Variants in SLC24A3 observed in about 807,000 individuals in gnomAD.
The protein encoded by SLC24A3 is solute carrier family 24 member 3.
A neutral mutation model predicts 75.8 loss-of-function variants in SLC24A3; 28 were observed. That is an observed-to-expected ratio of 0.37 (90% CI 0.27 to 0.51). The LOEUF is 0.51. Among genes scored for constraint, SLC24A3 ranks in the 20% least tolerant of loss-of-function variants. SLC24A3 has a pLI of 0.94. For synonymous variants in SLC24A3, 372 were observed against 334.1 expected, an observed-to-expected ratio of 1.11 and a Z score of -1.24; for missense variants, 663 against 847.8, an observed-to-expected ratio of 0.78 and a Z score of 2.71.
intron 2 of SLC24A3, among the ~76,000 whole-genome samples, chr20:19,368,106 G>A (rs1334000875): frequency 6.6e-6 from 1 of 152,200 alleles, no homozygotes; most frequent in Non-Finnish European, 1.5e-5. Context: ...ATGTGAGTGT[G>A]TGTGTGTGTG....
chr20:19,262,987 G>A (rs73278907), intron 1 of SLC24A3, among the ~76,000 whole-genome samples: 3,051 of 150,754 alleles, frequency 0.02, 113 homozygotes, highest in African/African-American at 0.071. Context: ...AGACAGACAC[G>A]CCCCTTTGTT....
At chr20:19,469,717 G>A (rs889394642) in intron 2 of SLC24A3, among the ~76,000 whole-genome samples, 4 of 152,146 alleles carry the variant, frequency 2.6e-5, no homozygotes, top group African/African-American at 4.8e-5. Context: ...ATCCATTCTC[G>A]TGCTAGTCTT....
chr20:19,220,592 G>T (rs1414034565), intron 1 of SLC24A3, among the ~76,000 whole-genome samples: 2 of 152,202 alleles, frequency 1.3e-5, no homozygotes, highest in Non-Finnish European at 2.9e-5. Context: ...AGAGCATCTA[G>T]GTGGAATATA....
chr20:19,461,414 C>G (rs538117485), intron 2 of SLC24A3, among the ~76,000 whole-genome samples: 2 of 44,748 alleles, frequency 4.5e-5, no homozygotes, highest in Non-Finnish European at 1.7e-4. Flanking sequence ...CATACATGTA[C>G]GCACATATAC....
chr20:19,415,161 GGGAAGTGATATAA>G (rs1415320910), intron 2 of SLC24A3, among the ~76,000 whole-genome samples: 1 of 152,162 alleles, frequency 6.6e-6, no homozygotes, highest in African/African-American at 2.4e-5. Flanking sequence ...AGGGGTCTTT[GGGAAGTGATATAA>G]GGATCCTGGT....
intron 2 of SLC24A3, among the ~76,000 whole-genome samples, chr20:19,488,299 C>T (rs947141442): frequency 5.9e-5 from 9 of 152,210 alleles, no homozygotes; most frequent in African/African-American, 1.4e-4. Context: ...CTTGCCTCTG[C>T]GCACATCAGG....
At chr20:19,549,813 A>G (rs955461422) in intron 3 of SLC24A3, among the ~76,000 whole-genome samples, 2 of 152,138 alleles carry the variant, frequency 1.3e-5, no homozygotes, top group African/African-American at 4.8e-5. Context: ...ACAAACAAAA[A>G]ACCTTTGACT....
chr20:19,305,434 A>AG, intron 2 of SLC24A3, among the ~76,000 whole-genome samples: 1 of 152,034 alleles, frequency 6.6e-6, no homozygotes, highest in Middle Eastern at 3.4e-3. Flanking sequence ...GCTAAGAGTG[A>AG]ATGCTACGCC....
In SLC24A3 at chr20:19,597,292, T is replaced by G. The variant is rs548314620; in HGVS notation, c.612+11748T>G. ...TTCCCCACTACTTGGGAGGCTAAGG[T>G]GGGAGGATCACTTGAGCCTGGGTAG... On this transcript the variant is annotated intron_variant, in intron 6 of 16. Transcript: ENST00000328041. 6.7e-4 allele frequency among the ~76,000 whole-genome samples: 102 copies of G among 152,198 alleles called. 1 individual carries two copies. Among genetic ancestry groups the G allele is most frequent in the Admixed American group, 2.4e-3 (37 of 15,288 alleles).
chr20:19,668,692 A>C (rs978630586), intron 8 of SLC24A3, among the ~76,000 whole-genome samples: 23 of 152,352 alleles, frequency 1.5e-4, no homozygotes, highest in Admixed American at 1.3e-3. Flanking sequence ...GCAGGAAGTC[A>C]CATTCAGTCA....
chr20:19,580,966 C>A (rs6075535), intron 4 of SLC24A3, among the ~76,000 whole-genome samples: 1 of 152,040 alleles, frequency 6.6e-6, no homozygotes, highest in Non-Finnish European at 1.5e-5. Flanking sequence ...ATTTCTAATA[C>A]GTTTTTCAGG....
At chr20:19,253,506 C>T (rs938002572) in intron 1 of SLC24A3, among the ~76,000 whole-genome samples, 5 of 152,260 alleles carry the variant, frequency 3.3e-5, no homozygotes, top group South Asian at 2.1e-4. Context: ...ATTTGCTTCT[C>T]GGATTGTTTC....
intron 2 of SLC24A3, among the ~76,000 whole-genome samples, chr20:19,508,893 G>T (rs961870402): frequency 2.6e-5 from 4 of 152,232 alleles, no homozygotes; most frequent in African/African-American, 9.6e-5. Flanking sequence ...AGAAGCACCT[G>T]CCTAGAGGCA....
chr20:19,444,700 GTCT>G (rs923350645), intron 2 of SLC24A3, among the ~76,000 whole-genome samples: 1 of 151,950 alleles, frequency 6.6e-6, no homozygotes, highest in African/African-American at 2.4e-5. Flanking sequence ...AGTAATTTGT[GTCT>G]TCTTTTATTT....
intron 6 of SLC24A3, 70 bp downstream of exon 6, chr20:19,585,614 A>G (rs143667849): frequency 4.7e-5 from 68 of 1,451,182 alleles, no homozygotes; most frequent in Non-Finnish European, 6.3e-5. Flanking sequence ...GAGTTTAGGC[A>G]GGAGACTGTC....
At chr20:19,612,123 T>C (rs1261588245) in intron 6 of SLC24A3, among the ~76,000 whole-genome samples, 1 of 152,208 alleles carries the variant, frequency 6.6e-6, no homozygotes, top group African/African-American at 2.4e-5. Context: ...GTCTCAAATA[T>C]GTCCAGACCT....
intron 1 of SLC24A3, among the ~76,000 whole-genome samples, chr20:19,273,721 A>G (rs1799084814): frequency 6.6e-6 from 1 of 151,922 alleles, no homozygotes; most frequent in African/African-American, 2.4e-5. Context: ...CATCCAGAAG[A>G]CAGAAGATCT....
intron 2 of SLC24A3, among the ~76,000 whole-genome samples, chr20:19,390,257 G>A (rs972475293): frequency 1.3e-5 from 2 of 152,118 alleles, no homozygotes; most frequent in Non-Finnish European, 2.9e-5. Flanking sequence ...TCGTTTCTTT[G>A]TTGGTGTCAT....
chr20:19,352,979 GAGATACACTT>G (rs1985603899), intron 2 of SLC24A3, among the ~76,000 whole-genome samples: 1 of 152,180 alleles, frequency 6.6e-6, no homozygotes, highest in Non-Finnish European at 1.5e-5. Flanking sequence ...TTTCTATGTT[GAGATACACTT>G]AGATACACAA....
Sources: gnomAD v4.1 joint callset for allele counts (sites outside exome capture counted in the v4.1 genomes callset) on GRCh38, gnomAD v4.1.1 for gene constraint, MANE v1.5 for transcripts, NCBI Gene and HGNC (gene_info 2026-07-23, HGNC 2026-07-21) for gene names.